Variants in MYOM2 observed in about 807,000 individuals in gnomAD.
MYOM2 encodes myomesin 2, also known as myomesin-2.
A neutral mutation model predicts 187.6 loss-of-function variants in MYOM2; 254 were observed. The observed-to-expected ratio is 1.35, with a 90% CI of 1.22 to 1.50. The LOEUF is 1.50. MYOM2 is among the 40% of genes most tolerant of loss of function. MYOM2 has a pLI of 0.00. For missense variants in MYOM2, 2,796 were observed against 1,924.0 expected, an observed-to-expected ratio of 1.45 and a Z score of -8.48; for synonymous variants, 981 against 753.8, an observed-to-expected ratio of 1.30 and a Z score of -4.94.
intron 31 of MYOM2, among the ~76,000 whole-genome samples, chr8:2,128,464 T>C (rs1337662556): frequency 6.6e-6 from 1 of 152,252 alleles, no homozygotes; most frequent in Non-Finnish European, 1.5e-5. Flanking sequence ...GAATATCTGA[T>C]AACAATCTCT....
rs1797521762 is a variant in MYOM2, at chr8:2,123,319, C to G, written c.3521C>G (p.Thr1174Arg). The G allele has an allele frequency of 3.1e-6, 5 of 1,613,938 alleles. No homozygotes were observed. The highest frequency in any genetic ancestry group is 4.2e-6 in the Non-Finnish European group (5 of 1,180,004). Residue 1174 changes from threonine (T) to arginine (R), a missense_variant, in exon 29 of 37, where the codon ACA becomes AGA. Physicochemically the swap from Thr to Arg is moderately conservative, Grantham distance 71. Coordinates refer to ENST00000262113, the MANE Select transcript of MYOM2 (RefSeq NM_003970.4). ...GATGATGTTCTGTATGAAACGGAGA[C>G]ACTGCCTAACCTGGAGAGGGGAATC... ...LKDDVLYETE[T>R]LPNLERGICE...
At position 2,086,358 on chromosome 8, in the gene MYOM2, C is replaced by CCCCA. The variant is rs1796050054; in HGVS notation, c.1644+969_1644+970insCCAC. 2.5e-3 allele frequency among the ~76,000 whole-genome samples: 241 copies of CCCCA among 97,562 alleles called. 98 individuals carry two copies. Among genetic ancestry groups the CCCCA allele is most frequent in the African/African-American group, 5.3e-3 (104 of 19,530 alleles). 64.0% of individuals were successfully genotyped at this position (97,562 alleles called of 152,430 possible). ...CCCCACTGTTGTGATCTCTGCGTGG[C>CCCCA]CTCCCACTGTTGTGATCTCTGCGTG... On this transcript the variant is annotated intron_variant, in intron 14 of 36. Transcript: ENST00000262113.
intron 1 of MYOM2, among the ~76,000 whole-genome samples, chr8:2,049,286 G>T (rs906696335): frequency 6.6e-6 from 1 of 152,190 alleles, no homozygotes; most frequent in Non-Finnish European, 1.5e-5. Flanking sequence ...TGGGGCAGGG[G>T]TAGCCTCTTC....
At chr8:2,079,056 T>TTCTC in intron 12 of MYOM2, 123 bp downstream of exon 12, 2 of 881,260 alleles carry the variant, frequency 2.3e-6, no homozygotes, top group Non-Finnish European at 3.6e-6. Context: ...GTGCAGAGCA[T>TTCTC]AGCACAGGCT....
intron 5 of MYOM2, among the ~76,000 whole-genome samples, chr8:2,058,325 A>G (rs180816186): frequency 1.3e-5 from 2 of 152,190 alleles, no homozygotes; most frequent in Admixed American, 1.3e-4. Context: ...ACCAGAGTGT[A>G]TTGTTTAAAA....
intron 21 of MYOM2, among the ~76,000 whole-genome samples, chr8:2,104,196 G>A (rs996595573): frequency 7.9e-5 from 12 of 152,164 alleles, no homozygotes; most frequent in Non-Finnish European, 1.6e-4. Flanking sequence ...AAAGTTCCCT[G>A]GAGTCAACCT....
At chr8:2,069,233 T>G in intron 6 of MYOM2, 45 bp from the exon 7 acceptor site, 1 of 1,576,452 alleles carries the variant, frequency 6.3e-7, no homozygotes, top group Non-Finnish European at 8.7e-7. Context: ...CACTGACTTT[T>G]ACACAACAGT....
chr8:2,109,471 C>G lies in MYOM2; in HGVS notation c.3120C>G (p.His1040Gln), dbSNP rs767930123. The stretch of plus-strand genomic sequence containing the variant: ...TTCGCTTCTGGCTCCAGGCTGAGCA[C>G]TTATCACCAGATGCCAGCTACCGAT... ...GRVRFWLQAE[H>Q]LSPDASYRFI... Residue 1040 changes from histidine to glutamine, a missense_variant, in exon 25 of 37, where the codon CAC becomes CAG. His to Gln is a conservative substitution (Grantham distance 24). Coordinates refer to ENST00000262113, the MANE Select transcript of MYOM2 (RefSeq NM_003970.4). 1 of 1,613,454 alleles carries G rather than the reference C, an allele frequency of 6.2e-7. No individual in the cohort carries two copies. Among genetic ancestry groups the G allele is most frequent in the Non-Finnish European group, 8.5e-7 (1 of 1,179,700 alleles).
intron 15 of MYOM2, among the ~76,000 whole-genome samples, chr8:2,091,053 A>G (rs1796286483): frequency 7.3e-6 from 1 of 136,810 alleles, no homozygotes; most frequent in Non-Finnish European, 1.5e-5. Context: ...TTGAGGAATC[A>G]TGACACTACT....
At chr8:2,136,650 C>A (rs1461719756) in intron 32 of MYOM2, among the ~76,000 whole-genome samples, 2 of 151,808 alleles carry the variant, frequency 1.3e-5, no homozygotes, top group Admixed American at 6.6e-5. Context: ...CTTATCTCCA[C>A]TGCTGCCCAG....
rs1796389553 is a variant in MYOM2 at position 2,093,867 on chromosome 8, C to A, written c.2004-103C>A. 3 of 1,368,116 alleles carry A rather than the reference C, an allele frequency of 2.2e-6. No individual in the cohort carries two copies. In the East Asian group the frequency reaches 6.9e-5, roughly 32 times the overall value. 84.7% of individuals were successfully genotyped at this position (1,368,116 alleles called of 1,614,324 possible). A position where few individuals can be genotyped will look rare whatever the true frequency, so the allele number is the denominator to read the frequency against. On this transcript the variant is annotated intron_variant, in intron 16 of 36. Transcript: ENST00000262113. ...ATTGAAAATGAAGGATGTATGTTAT[C>A]CATAAAAATTTTTTATGGCGCGTTC...
chr8:2,135,490 C>G (rs577770743), intron 32 of MYOM2, among the ~76,000 whole-genome samples: 4 of 152,122 alleles, frequency 2.6e-5, no homozygotes, highest in African/African-American at 9.7e-5. Context: ...GGAGCCCAGA[C>G]CTTCTCTCCT....
At chr8:2,111,022 G>T (rs908772499) in intron 25 of MYOM2, among the ~76,000 whole-genome samples, 7 of 152,204 alleles carry the variant, frequency 4.6e-5, no homozygotes, top group Non-Finnish European at 8.8e-5. Flanking sequence ...CTTACTGTCT[G>T]ATCCAGGTAA....
In MYOM2 at chr8:2,108,746, G is replaced by A. The variant is rs374040937; in HGVS notation, c.2999-40G>A. The A allele has an allele frequency of 1.6e-5, 25 of 1,608,162 alleles. No individual in the cohort carries two copies. In the Middle Eastern group the frequency reaches 4.9e-4, roughly 32 times the overall value. ...CTGTTGTCTACAAACTTCTCTAGGT[G>A]CAGGTCCAGATGAATTGAAATACTT... On this transcript the variant is annotated intron_variant, in intron 23 of 36. Transcript: ENST00000262113.
At chr8:2,066,598 C>T (rs1819027569) in intron 6 of MYOM2, among the ~76,000 whole-genome samples, 1 of 152,196 alleles carries the variant, frequency 6.6e-6, no homozygotes, top group Non-Finnish European at 1.5e-5. Flanking sequence ...CAAAATGCAG[C>T]AATGCCCACG....
chr8:2,069,578 G>A, intron 8 of MYOM2, 81 bp downstream of exon 8: 2 of 1,551,182 alleles, frequency 1.3e-6, no homozygotes, highest in Non-Finnish European at 1.8e-6. Context: ...GTTTCCTAAG[G>A]GCCAAATCTT....
At chr8:2,142,132 G>A (rs1424476752) in intron 34 of MYOM2, among the ~76,000 whole-genome samples, 1 of 152,052 alleles carries the variant, frequency 6.6e-6, no homozygotes, top group Non-Finnish European at 1.5e-5. Flanking sequence ...CTTTTCTGTG[G>A]GTTTTAGCAT....
chr8:2,090,292 C>T lies in MYOM2; in HGVS notation c.1828+101C>T, dbSNP rs144570102. On this transcript the variant is annotated intron_variant, in intron 15 of 36. Coordinates refer to ENST00000262113, the MANE Select transcript of MYOM2 (RefSeq NM_003970.4). The stretch of plus-strand genomic sequence containing the variant: ...TGAATAAAGACATTAATGTTATAAA[C>T]GAGTTGAAGTTCAAGTGGACTTAAA... 137 of 1,159,496 alleles carry T rather than the reference C, an allele frequency of 1.2e-4. 1 individual carries two copies. The East Asian group carries it at 3.1e-3, about 26-fold the overall frequency. The allele number at this position is 1,159,496 out of a possible 1,614,324, so 71.8% of individuals were successfully genotyped here.
In MYOM2 at chr8:2,052,222, T is replaced by C. The variant is rs756009362; in HGVS notation, c.172T>C (p.Ser58Pro). The change falls in exon 3 of 37, where the codon TCC (serine) becomes CCC (proline). Residue 58 changes from serine (S) to proline (P), a missense_variant. By Grantham distance (74) the Ser-to-Pro change is moderately conservative. Coordinates refer to ENST00000262113, the MANE Select transcript of MYOM2 (RefSeq NM_003970.4). ...LSQRSSSQRA[S>P]SQTSLGGTIC... The stretch of plus-strand genomic sequence containing the variant: ...TCAGCGGTCGTCTTCACAGAGAGCC[T>C]CCAGCCAGACGTCCCTGGGAGGAAC... The C allele has an allele frequency of 6.2e-7, 1 of 1,613,216 alleles. No individual in the cohort carries two copies. The highest frequency in any genetic ancestry group is 1.3e-5 in the African/African-American group (1 of 75,028).
Sources: gnomAD v4.1 joint callset for allele counts (sites outside exome capture counted in the v4.1 genomes callset) on GRCh38, gnomAD v4.1.1 for gene constraint, MANE v1.5 for transcripts, NCBI Gene and HGNC (gene_info 2026-07-23, HGNC 2026-07-21) for gene names.